PHKB: variants seen among roughly 807,000 people sequenced by gnomAD.
PHKB encodes the protein phosphorylase kinase regulatory subunit beta, also known as phosphorylase b kinase regulatory subunit beta.
Under a neutral mutation model 152.1 loss-of-function variants are expected in PHKB, and 122 were observed. That is an observed-to-expected ratio of 0.80 (90% CI 0.69 to 0.93). PHKB has a LOEUF of 0.93. PHKB is among the 40% of genes least tolerant of loss of function. PHKB has a pLI of 0.00. For missense variants in PHKB, 1,304 were observed against 1,328.4 expected (o/e 0.98, Z 0.29); for synonymous variants, 436 against 464.9 (o/e 0.94, Z 0.80).
intron 7 of PHKB, among the ~76,000 whole-genome samples, chr16:47,556,653 C>T (rs1971375689): frequency 1.3e-5 from 2 of 152,158 alleles, no homozygotes; most frequent in Admixed American, 6.5e-5. Context: ...TTTTGATGTG[C>T]TGCTGGATTC....
At chr16:47,679,075 G>A (rs1973794952) in intron 26 of PHKB, among the ~76,000 whole-genome samples, 3 of 151,942 alleles carry the variant, frequency 2.0e-5, no homozygotes, top group Non-Finnish European at 4.4e-5. Flanking sequence ...AAGATCAGAT[G>A]GTTGTAGATA....
chr16:47,699,173 T>C, intron 30 of PHKB, 56 bp from the exon 31 acceptor site: 1 of 1,558,550 alleles, frequency 6.4e-7, no homozygotes, highest in Non-Finnish European at 8.9e-7. Flanking sequence ...AGATTTTACC[T>C]GTCAACTCTT....
rs369600466 is a variant in PHKB, at chr16:47,647,695, C to A, written c.1609-838C>A. Among the ~76,000 whole-genome samples, 19 of 152,090 alleles carry A rather than the reference C, an allele frequency of 1.2e-4. No individual in the cohort carries two copies. The South Asian group carries it at 3.9e-3, about 32-fold the overall frequency. ...TGTATTTTTGGTAGAGACGGGGTTT[C>A]ACCATGTTAGCCAGGGTGGTCTCGA... On this transcript the variant is annotated intron_variant, in intron 16 of 30. Transcript: ENST00000323584.
intron 20 of PHKB, 58 bp downstream of exon 20, chr16:47,650,979 C>T (rs72800675): frequency 6.0e-6 from 7 of 1,170,632 alleles, no homozygotes; most frequent in Non-Finnish European, 9.0e-6. Flanking sequence ...TACAATACAG[C>T]TATGTTTCTT....
intron 26 of PHKB, among the ~76,000 whole-genome samples, chr16:47,682,299 T>C (rs1389768647): frequency 6.6e-6 from 1 of 152,204 alleles, no homozygotes; most frequent in African/African-American, 2.4e-5. Context: ...TGGATCTGAA[T>C]ATTGGTCTGC....
intron 7 of PHKB, among the ~76,000 whole-genome samples, chr16:47,553,745 T>C (rs1056527823): frequency 1.3e-5 from 2 of 152,222 alleles, no homozygotes; most frequent in Non-Finnish European, 2.9e-5. Flanking sequence ...TGTTAAGATA[T>C]TGATGCTATT....
At chr16:47,525,201 G>A (rs1386880609) in intron 6 of PHKB, among the ~76,000 whole-genome samples, 1 of 152,118 alleles carries the variant, frequency 6.6e-6, no homozygotes, top group African/African-American at 2.4e-5. Flanking sequence ...AATTCCCCAA[G>A]GACAAACTAT....
At chr16:47,524,129 C>T (rs193126085) in intron 6 of PHKB, among the ~76,000 whole-genome samples, 7 of 152,144 alleles carry the variant, frequency 4.6e-5, no homozygotes, top group Admixed American at 3.3e-4. Flanking sequence ...GTTGAATTTC[C>T]GGAGTTCTGA....
intron 26 of PHKB, among the ~76,000 whole-genome samples, chr16:47,680,638 G>A (rs1004586044): frequency 2.4e-4 from 37 of 152,054 alleles, no homozygotes; most frequent in Admixed American, 6.6e-4. Context: ...TTTTTATTGC[G>A]TCTATTTGAT....
At chr16:47,563,549 C>A (rs1434813776) in intron 7 of PHKB, among the ~76,000 whole-genome samples, 1 of 152,120 alleles carries the variant, frequency 6.6e-6, no homozygotes, top group East Asian at 1.9e-4. Context: ...GGAAACCATG[C>A]TGTAAAAAGA....
chr16:47,669,396 G>T lies in PHKB; in HGVS notation c.2609G>T (p.Gly870Val), dbSNP rs1973598519. 6.2e-7 allele frequency: 1 copy of T among 1,613,940 alleles called. No individual in the cohort carries two copies. Among genetic ancestry groups the T allele is most frequent in the Non-Finnish European group, 8.5e-7 (1 of 1,179,950 alleles). Residue 870 changes from glycine (G) to valine (V), a missense_variant, in exon 26 of 31, where the codon GGC becomes GTC. Physicochemically the swap from Gly to Val is moderately radical, Grantham distance 109 (BLOSUM62 -3). Coordinates refer to ENST00000323584, the MANE Select transcript of PHKB (RefSeq NM_000293.3). ...IISNNPELFS[G>V]MLKIRIGWII... Reference sequence around the variant, plus strand: ...TCCAATAACCCTGAGTTATTCAGTGGCATGCTGAAAATACGAATCGGGTGA... The same window carrying T: ...TCCAATAACCCTGAGTTATTCAGTGTCATGCTGAAAATACGAATCGGGTGA...
chr16:47,693,363 T>A lies in PHKB; in HGVS notation c.2766-15T>A. ...GCTTGTTCTTCAACTCTGAGACATT[T>A]GCCTTTTGTTACAGATGTTGGCTGA... On this transcript the variant is annotated splice_polypyrimidine_tract_variant and intron_variant, in intron 27 of 30. Coordinates refer to ENST00000323584, the MANE Select transcript of PHKB (RefSeq NM_000293.3). 1 of 1,613,886 alleles carries A rather than the reference T, an allele frequency of 6.2e-7. No individual in the cohort carries two copies. Among genetic ancestry groups the A allele is most frequent in the Non-Finnish European group, 8.5e-7 (1 of 1,179,810 alleles).
intron 18 of PHKB, among the ~76,000 whole-genome samples, chr16:47,649,440 T>C (rs1973195524): frequency 6.6e-6 from 1 of 152,092 alleles, no homozygotes; most frequent in Non-Finnish European, 1.5e-5. Context: ...TTTATACAAA[T>C]GAAAAGATAC....
chr16:47,670,752 A>G (rs1271908305), intron 26 of PHKB, among the ~76,000 whole-genome samples: 1 of 152,090 alleles, frequency 6.6e-6, no homozygotes, highest in Non-Finnish European at 1.5e-5. Flanking sequence ...AGCCTCCCAA[A>G]GTACTGGGAT....
At chr16:47,563,994 CTTTT>C (rs899061752) in intron 7 of PHKB, among the ~76,000 whole-genome samples, 3 of 82,040 alleles carry the variant, frequency 3.7e-5, no homozygotes, top group Non-Finnish European at 5.2e-5. Flanking sequence ...TTATTTCATT[CTTTT>C]TTTTTTTTTT....
intron 28 of PHKB, among the ~76,000 whole-genome samples, chr16:47,695,829 G>T (rs1485369743): frequency 2.0e-5 from 3 of 152,206 alleles, no homozygotes; most frequent in East Asian, 1.9e-4. Flanking sequence ...AAACTACACA[G>T]TATTCTTGTT....
chr16:47,694,152 G>A (rs933434901), intron 28 of PHKB, among the ~76,000 whole-genome samples: 5 of 152,206 alleles, frequency 3.3e-5, no homozygotes, highest in Non-Finnish European at 1.5e-5. Context: ...CACTCCAGGT[G>A]TACCTTACCT....
At chr16:47,651,595 C>T (rs1176192060) in intron 20 of PHKB, among the ~76,000 whole-genome samples, 2 of 152,140 alleles carry the variant, frequency 1.3e-5, no homozygotes, top group Non-Finnish European at 2.9e-5. Flanking sequence ...ACCATGCTTT[C>T]GTGACCTTTA....
At chr16:47,684,549 G>A (rs763896848) in intron 26 of PHKB, among the ~76,000 whole-genome samples, 6 of 152,096 alleles carry the variant, frequency 3.9e-5, no homozygotes, top group East Asian at 1.9e-4. Context: ...GGCGGATCAC[G>A]AGGTCAGGAA....
Sources: gnomAD v4.1 joint callset for allele counts (sites outside exome capture counted in the v4.1 genomes callset) on GRCh38, gnomAD v4.1.1 for gene constraint, MANE v1.5 for transcripts, NCBI Gene and HGNC (gene_info 2026-07-23, HGNC 2026-07-21) for gene names.